The following ASL variants were observed in gnomAD, a reference collection of about 807,000 sequenced individuals.
The protein encoded by ASL is argininosuccinate lyase, also known as argininosuccinase.
A neutral mutation model predicts 69.1 loss-of-function variants in ASL; 51 were observed. The ratio of observed to expected loss-of-function variants is 0.74; its 90% CI spans 0.59 to 0.93. The LOEUF is 0.93. Ranked by LOEUF, ASL falls within the 40% of genes least tolerant of loss-of-function variation. The pLI, the probability that ASL is intolerant of heterozygous loss-of-function variation, is 0.00. For missense variants in ASL, 540 were observed against 623.9 expected (o/e 0.87, Z 1.43); for synonymous variants, 241 against 247.6 (o/e 0.97, Z 0.25).
At chr7:66,083,308 C>T in intron 6 of ASL, 134 bp downstream of exon 6, 3 of 937,222 alleles carry the variant, frequency 3.2e-6, no homozygotes, top group African/African-American at 1.6e-5. Flanking sequence ...ACTCCAGGAT[C>T]GAGGCAGAGC....
At position 66,082,378 on chromosome 7, in the gene ASL, A is replaced by T. The variant is rs1180118084; in HGVS notation, c.218A>T (p.Glu73Val). Residue 73 changes from glutamate (E) to valine (V), a missense_variant, in exon 4 of 17, where the codon GAG becomes GTG. Physicochemically the swap from Glu to Val is moderately radical, Grantham distance 121 (BLOSUM62 -2). Coordinates refer to ENST00000304874, the MANE Select transcript of ASL (RefSeq NM_000048.4). ...TGCTACCCACTACAGGTGGCTGAGG[A>T]GTGGGCCCAGGGCACCTTCAAACTG... is the stretch of plus-strand genomic sequence containing the variant. ...ILHGLDKVAE[E>V]WAQGTFKLNS... The T allele has an allele frequency of 6.2e-7, 1 of 1,612,292 alleles. No individual in the cohort carries two copies. Among genetic ancestry groups the T allele is most frequent in the Non-Finnish European group, 8.5e-7 (1 of 1,179,578 alleles).
chr7:66,093,481 C>T lies in ASL; in HGVS notation c.*569C>T, dbSNP rs533262205. ...TCACAGTGACCTCCTAGGCCAGGAG[C>T]GATGGCTCACGCCTGTAATCCTAGC... On this transcript the variant is annotated 3_prime_UTR_variant, in exon 17 of 17. Transcript: ENST00000304874. 341 of 164,006 alleles carry T rather than the reference C, an allele frequency of 2.1e-3. No individual in the cohort carries two copies. Among genetic ancestry groups the T allele is most frequent in the African/African-American group, 7.0e-3 (292 of 41,670 alleles). 10.2% of individuals were successfully genotyped at this position (164,006 alleles called of 1,614,324 possible). A position where few individuals can be genotyped will look rare whatever the true frequency, so the allele number is the denominator to read the frequency against.
intron 14 of ASL, among the ~76,000 whole-genome samples, chr7:66,091,569 AC>A (rs1282381162): frequency 6.6e-6 from 1 of 151,958 alleles, no homozygotes; most frequent in Non-Finnish European, 1.5e-5. Flanking sequence ...CAAAACAACA[AC>A]AACAAATTAG....
chr7:66,084,547 A>G (rs1449789419), intron 6 of ASL, among the ~76,000 whole-genome samples: 1 of 151,910 alleles, frequency 6.6e-6, no homozygotes, highest in African/African-American at 2.4e-5. Context: ...TGGCTTGGTA[A>G]TAGCTCACTG....
intron 6 of ASL, among the ~76,000 whole-genome samples, chr7:66,083,585 G>A (rs1162277543): frequency 6.6e-6 from 1 of 151,910 alleles, no homozygotes; most frequent in Admixed American, 6.6e-5. Context: ...TCGGGAGCCT[G>A]AGGCAGAAGA....
chr7:66,087,685 C>T, intron 9 of ASL, 44 bp from the exon 10 acceptor site: 3 of 1,612,884 alleles, frequency 1.9e-6, no homozygotes, highest in South Asian at 1.1e-5. Context: ...GAGGGGGCCA[C>T]TCCCTGTCCT....
rs1319060737 is a variant in ASL at position 66,092,103 on chromosome 7, CA to C, written c.1143+18del. 6.2e-7 allele frequency: 1 copy of C among 1,608,912 alleles called. No homozygotes were observed. The highest frequency in any genetic ancestry group is 8.5e-7 in the Non-Finnish European group (1 of 1,179,892). On this transcript the variant is annotated intron_variant, in intron 15 of 16. Transcript: ENST00000304874. The stretch of plus-strand genomic sequence containing the variant: ...CGCAAAGGGGTAAGTGTGTAGCAGC[CA>C]GGGGGAGGGTGAGGAGATGGGGTGC...
intron 2 of ASL, among the ~76,000 whole-genome samples, chr7:66,077,951 G>A (rs899700466): frequency 6.6e-6 from 1 of 152,074 alleles, no homozygotes; most frequent in African/African-American, 2.4e-5. Flanking sequence ...ACCTCACTCT[G>A]ATCTCCCTGT....
At chr7:66,088,632 G>A (rs1786739904) in intron 10 of ASL, among the ~76,000 whole-genome samples, 175 bp from the exon 11 acceptor site, 1 of 152,186 alleles carries the variant, frequency 6.6e-6, no homozygotes, top group South Asian at 2.1e-4. Flanking sequence ...CAAAGCAGAA[G>A]GATTGCTTGA....
chr7:66,086,613 AC>A lies in ASL; in HGVS notation c.478del (p.His160IlefsTer15). On this transcript the variant is annotated frameshift_variant, in exon 7 of 17. Transcript: ENST00000304874. LOFTEE classifies it high-confidence loss of function. Reference sequence around the variant, plus strand: ...ACGTGATGTTCTCTTCCCGGGGTACACCCATTTGCAGAGGGCCCAGCCCATC... The same window carrying A: ...ACGTGATGTTCTCTTCCCGGGGTACACCATTTGCAGAGGGCCCAGCCCATC... ...AERDVLFPGY[T>X]HLQRAQPIRW... 2 of 1,613,690 alleles carry A rather than the reference AC, an allele frequency of 1.2e-6. No homozygotes were observed. The highest frequency in any genetic ancestry group is 1.7e-6 in the Non-Finnish European group (2 of 1,180,000).
rs1786673245 is a variant in ASL at position 66,086,727 on chromosome 7, C to T, written c.525-17C>T. 6.2e-7 allele frequency: 1 copy of T among 1,608,862 alleles called. No individual in the cohort carries two copies. Among genetic ancestry groups the T allele is most frequent in the African/African-American group, 1.3e-5 (1 of 74,856 alleles). The stretch of plus-strand genomic sequence containing the variant: ...GACCCCGGCTGCCCTGACCCTCCTG[C>T]CCCTGGCTTCCCACAGCCACGCCGT... On this transcript the variant is annotated splice_polypyrimidine_tract_variant and intron_variant, in intron 7 of 16. Transcript: ENST00000304874.
intron 2 of ASL, among the ~76,000 whole-genome samples, chr7:66,078,536 C>T (rs1786412602): frequency 6.6e-6 from 1 of 152,084 alleles, no homozygotes; most frequent in Non-Finnish European, 1.5e-5. Flanking sequence ...TCCTGAGCAC[C>T]AGGCACCGTG....
chr7:66,082,109 C>A (rs1786521567), intron 3 of ASL, 112 bp downstream of exon 3: 1 of 1,324,206 alleles, frequency 7.6e-7, no homozygotes, highest in African/African-American at 1.5e-5. Context: ...TCACATTGAA[C>A]TAATTATATA....
At position 66,083,068 on chromosome 7, in the gene ASL, C is replaced by G. The variant is rs1786557080; in HGVS notation, c.349-9C>G. On this transcript the variant is annotated splice_polypyrimidine_tract_variant and intron_variant, in intron 5 of 16. Transcript: ENST00000304874. ...CGGCCTCCCTGAGCACCATCTCCTC[C>G]TTGCACAGGTGGTCACAGACCTCAG... 1.2e-6 allele frequency: 2 copies of G among 1,613,882 alleles called. No homozygotes were observed. Among genetic ancestry groups the G allele is most frequent in the Non-Finnish European group, 1.7e-6 (2 of 1,179,988 alleles).
chr7:66,082,515 T>G, intron 4 of ASL, 64 bp downstream of exon 4: 1 of 1,525,400 alleles, frequency 6.6e-7, no homozygotes, highest in Non-Finnish European at 9.0e-7. Flanking sequence ...AGGGCCACTT[T>G]GAGCATTAGC....
At chr7:66,087,215 C>CCA in intron 8 of ASL, 119 bp from the exon 9 acceptor site, 1 of 1,289,398 alleles carries the variant, frequency 7.8e-7, no homozygotes, top group Non-Finnish European at 1.1e-6. Flanking sequence ...GCCCTGGCAA[C>CCA]CAGGACTTGG....
intron 1 of ASL, 53 bp from the exon 2 acceptor site, chr7:66,075,986 G>T: frequency 6.6e-7 from 1 of 1,525,072 alleles, no homozygotes; most frequent in Non-Finnish European, 8.9e-7. Flanking sequence ...AGCCAGCCCG[G>T]CCCGGGGGAC....
intron 3 of ASL, 131 bp downstream of exon 3, chr7:66,082,128 C>T: frequency 8.3e-7 from 1 of 1,198,896 alleles, no homozygotes; most frequent in Non-Finnish European, 1.2e-6. Flanking sequence ...TACTCAAGTG[C>T]TGTTTAACTG....
rs60055215 is a variant in ASL at position 66,087,243 on chromosome 7, C to CGTGTGT, written c.603-56_603-51dup. ...GGACTTGGTTCTCTGTGTGTGCGTT[C>CGTGTGT]GTGTGTGTGTGTGTGTGTGTGTGTG... On this transcript the variant is annotated intron_variant, in intron 8 of 16. Coordinates refer to ENST00000304874, the MANE Select transcript of ASL (RefSeq NM_000048.4). The CGTGTGT allele has an allele frequency of 6.2e-3, 6,026 of 975,592 alleles. 54 individuals carry two copies. Among genetic ancestry groups the CGTGTGT allele is most frequent in the East Asian group, 0.048 (1,891 of 39,108 alleles). 60.4% of individuals were successfully genotyped at this position (975,592 alleles called of 1,614,324 possible). A position where few individuals can be genotyped will look rare whatever the true frequency, so the allele number is the denominator to read the frequency against.
Sources: gnomAD v4.1 joint callset for allele counts (sites outside exome capture counted in the v4.1 genomes callset) on GRCh38, gnomAD v4.1.1 for gene constraint, MANE v1.5 for transcripts, NCBI Gene and HGNC (gene_info 2026-07-23, HGNC 2026-07-21) for gene names.